INPP4B: variants seen among roughly 807,000 people sequenced by gnomAD.
INPP4B encodes the protein inositol polyphosphate 4-phosphatase type II.
INPP4B carries 55 observed loss-of-function variants against 122.5 expected under a neutral mutation model. The ratio of observed to expected loss-of-function variants is 0.45; its 90% CI spans 0.36 to 0.56. The LOEUF (loss-of-function observed/expected upper bound fraction) is 0.56, where lower values mean the gene tolerates loss of function less well. Ranked by LOEUF, INPP4B falls within the 20% of genes least tolerant of loss-of-function variation. INPP4B has a pLI of 0.00. For missense variants in INPP4B, 1,000 were observed against 1,097.7 expected (o/e 0.91, Z 1.26); for synonymous variants, 403 against 388.7 (o/e 1.04, Z -0.43).
chr4:142,479,324 A>G (rs775568145), intron 2 of INPP4B, among the ~76,000 whole-genome samples: 52 of 152,198 alleles, frequency 3.4e-4, no homozygotes, highest in Non-Finnish European at 5.9e-4. Context: ...CATGCTGGTG[A>G]ATTAGCAGAG....
intron 2 of INPP4B, among the ~76,000 whole-genome samples, chr4:142,585,852 A>G (rs907802273): frequency 1.4e-5 from 2 of 143,938 alleles, no homozygotes; most frequent in African/African-American, 5.4e-5. Context: ...ACACTTTATT[A>G]TTATTATTAT....
chr4:142,642,927 G>A (rs896707685), intron 2 of INPP4B, among the ~76,000 whole-genome samples: 18 of 152,028 alleles, frequency 1.2e-4, no homozygotes, highest in Non-Finnish European at 2.4e-4. Flanking sequence ...ATTTGTTTGT[G>A]TCCTCTTTTA....
intron 22 of INPP4B, among the ~76,000 whole-genome samples, chr4:142,109,515 T>C (rs1336688121): frequency 6.6e-6 from 1 of 152,174 alleles, no homozygotes; most frequent in Non-Finnish European, 1.5e-5. Flanking sequence ...CAAAACCTCT[T>C]GTGGGAATGT....
Position 142,763,356 on chromosome 4 carries a change from A to G in INPP4B, c.-253-37455T>C, listed in dbSNP as rs148848497. On this transcript the variant is annotated intron_variant, in intron 1 of 25. Coordinates refer to ENST00000262992, the MANE Select transcript of INPP4B (RefSeq NM_001101669.3). ...AACACATTTTACTGATGAAATTAAA[A>G]TGGCAAATTTAAGAGAAATAATATT... Among the ~76,000 whole-genome samples the G allele has an allele frequency of 5.3e-5, 8 of 152,354 alleles. No individual in the cohort carries two copies. The East Asian group carries it at 1.5e-3, about 29-fold the overall frequency.
At chr4:142,160,325 C>T (rs370288339) in intron 17 of INPP4B, 33 bp downstream of exon 17, 44 of 1,329,112 alleles carry the variant, frequency 3.3e-5, no homozygotes, top group Admixed American at 1.6e-4. Context: ...CATTGCCAAA[C>T]ATTGAGAGGC....
At chr4:142,325,349 TC>T (rs1426002303) in intron 7 of INPP4B, among the ~76,000 whole-genome samples, 3 of 152,306 alleles carry the variant, frequency 2.0e-5, no homozygotes, top group Middle Eastern at 3.4e-3. Context: ...TATTGGTCTG[TC>T]TGTTGAGTTA....
intron 12 of INPP4B, among the ~76,000 whole-genome samples, chr4:142,233,046 T>C (rs561057029): frequency 6.6e-6 from 1 of 152,256 alleles, no homozygotes; most frequent in African/African-American, 2.4e-5. Context: ...AACATAAAAG[T>C]ACAAGGTGAA....
chr4:142,656,535 C>G (rs1754172367), intron 2 of INPP4B, among the ~76,000 whole-genome samples: 1 of 152,124 alleles, frequency 6.6e-6, no homozygotes, highest in African/African-American at 2.4e-5. Context: ...AGCAGCAGCT[C>G]CCTGCTTTGC....
At chr4:142,445,549 A>G (rs1210834675) in intron 3 of INPP4B, among the ~76,000 whole-genome samples, 1 of 152,216 alleles carries the variant, frequency 6.6e-6, no homozygotes, top group African/African-American at 2.4e-5. Flanking sequence ...TAAAAATTTC[A>G]TAACAGATGA....
chr4:142,817,683 T>A (rs928683212), intron 1 of INPP4B, among the ~76,000 whole-genome samples: 1 of 152,164 alleles, frequency 6.6e-6, no homozygotes, highest in African/African-American at 2.4e-5. Flanking sequence ...TAAGACTCAC[T>A]GGCAGCACAT....
At chr4:142,555,845 T>A (rs1020862519) in intron 2 of INPP4B, among the ~76,000 whole-genome samples, 1 of 137,544 alleles carries the variant, frequency 7.3e-6, no homozygotes, top group Non-Finnish European at 1.5e-5. Context: ...CACTCCAGCC[T>A]GGGCAACAGA....
chr4:142,189,565 C>T (rs1225342727), intron 15 of INPP4B, among the ~76,000 whole-genome samples: 7 of 151,952 alleles, frequency 4.6e-5, no homozygotes, highest in Non-Finnish European at 7.4e-5. Flanking sequence ...TCAGGAAAGC[C>T]TAATTATAAG....
At chr4:142,548,123 T>G (rs1269778903) in intron 2 of INPP4B, among the ~76,000 whole-genome samples, 1 of 152,164 alleles carries the variant, frequency 6.6e-6, no homozygotes, top group Non-Finnish European at 1.5e-5. Flanking sequence ...GCTTTGAAAG[T>G]AGACAATCTC....
Position 142,561,163 on chromosome 4 carries a change from T to C in INPP4B, c.-190-98437A>G, listed in dbSNP as rs138711085. On this transcript the variant is annotated intron_variant, in intron 2 of 25. Coordinates refer to ENST00000262992, the MANE Select transcript of INPP4B (RefSeq NM_001101669.3). Reference sequence around the variant, plus strand: ...TTCTGCAAAAGATCATAATTTAATTTTTTTATTCAATGTGGTAGAAGACCA... The same window carrying C: ...TTCTGCAAAAGATCATAATTTAATTCTTTTATTCAATGTGGTAGAAGACCA... Among the ~76,000 whole-genome samples, 795 of 152,338 alleles carry C rather than the reference T, an allele frequency of 5.2e-3. 7 individuals are homozygous for C. The highest frequency in any genetic ancestry group is 0.018 in the African/African-American group (750 of 41,586).
intron 2 of INPP4B, among the ~76,000 whole-genome samples, chr4:142,652,874 T>C (rs530212844): frequency 6.6e-6 from 1 of 152,294 alleles, no homozygotes; most frequent in South Asian, 2.1e-4. Flanking sequence ...TTAAAGTTCA[T>C]ATGGAACCAA....
At chr4:142,029,966 A>G (rs992682750) in intron 25 of INPP4B, 1 of 1,379,140 alleles carries the variant, frequency 7.3e-7, no homozygotes, top group African/African-American at 1.4e-5. Flanking sequence ...CACCTAATGC[A>G]TAGTACTTTT....
intron 18 of INPP4B, among the ~76,000 whole-genome samples, chr4:142,139,803 T>C (rs1488883713): frequency 6.6e-6 from 1 of 152,174 alleles, no homozygotes; most frequent in Non-Finnish European, 1.5e-5. Context: ...AAACCTCTAG[T>C]AGTTACCAGC....
intron 2 of INPP4B, among the ~76,000 whole-genome samples, chr4:142,475,732 G>A (rs573937071): frequency 6.6e-6 from 1 of 152,192 alleles, no homozygotes; most frequent in East Asian, 1.9e-4. Context: ...TCAACCAAGA[G>A]GAGGAAAGAA....
At chr4:142,447,034 T>C (rs985977545) in intron 3 of INPP4B, among the ~76,000 whole-genome samples, 1 of 152,228 alleles carries the variant, frequency 6.6e-6, no homozygotes, top group African/African-American at 2.4e-5. Context: ...TCTTTATATC[T>C]GTTATGTTTT....
Sources: gnomAD v4.1 joint callset for allele counts (sites outside exome capture counted in the v4.1 genomes callset) on GRCh38, gnomAD v4.1.1 for gene constraint, MANE v1.5 for transcripts, NCBI Gene and HGNC (gene_info 2026-07-23, HGNC 2026-07-21) for gene names.